Variants in KLHL29 observed in about 807,000 individuals in gnomAD.
KLHL29 encodes kelch-like protein 29.
Under a neutral mutation model 80.4 loss-of-function variants are expected in KLHL29, and 21 were observed. The observed-to-expected ratio is 0.26, with a 90% CI of 0.19 to 0.38. The LOEUF is 0.38. Ranked by LOEUF, KLHL29 falls within the 10% of genes least tolerant of loss-of-function variation. The pLI is 1.00. For missense variants in KLHL29, 867 were observed against 1,223.9 expected (o/e 0.71, Z 4.35); for synonymous variants, 511 against 526.8 (o/e 0.97, Z 0.41).
intron 2 of KLHL29, among the ~76,000 whole-genome samples, chr2:23,486,748 C>G (rs62125387): frequency 0.054 from 8,214 of 152,290 alleles, 253 homozygotes; most frequent in Middle Eastern, 0.078. Context: ...TGGAGGGCAG[C>G]TCCCTGCTCA....
At chr2:23,412,013 T>C (rs1181200073) in intron 1 of KLHL29, among the ~76,000 whole-genome samples, 2 of 151,982 alleles carry the variant, frequency 1.3e-5, no homozygotes, top group Non-Finnish European at 2.9e-5. Context: ...GGTGAGAGCA[T>C]TTGGGGCAGA....
chr2:23,559,749 G>A (rs991405051), intron 2 of KLHL29, among the ~76,000 whole-genome samples: 3 of 152,116 alleles, frequency 2.0e-5, no homozygotes, highest in African/African-American at 7.2e-5. Flanking sequence ...GTGCTTAAGA[G>A]AGAGGAGAGC....
intron 3 of KLHL29, among the ~76,000 whole-genome samples, chr2:23,587,132 T>C (rs956309148): frequency 6.6e-6 from 1 of 152,144 alleles, no homozygotes; most frequent in Non-Finnish European, 1.5e-5. Context: ...GCAGCAATTT[T>C]GCACTGTGGT....
chr2:23,496,089 C>T (rs983400481), intron 2 of KLHL29, among the ~76,000 whole-genome samples: 1 of 152,178 alleles, frequency 6.6e-6, no homozygotes, highest in African/African-American at 2.4e-5. Flanking sequence ...CTTCACAGTG[C>T]CCGGACGGCA....
At chr2:23,542,815 A>G (rs1489485036) in intron 2 of KLHL29, among the ~76,000 whole-genome samples, 2 of 152,218 alleles carry the variant, frequency 1.3e-5, no homozygotes, top group East Asian at 3.8e-4. Context: ...GCCTTTCACC[A>G]GGGACACCTG....
intron 5 of KLHL29, among the ~76,000 whole-genome samples, chr2:23,661,527 G>A (rs1212975857): frequency 6.6e-6 from 1 of 152,178 alleles, no homozygotes; most frequent in African/African-American, 2.4e-5. Context: ...CTGCACCTGG[G>A]GCTGGGCCCG....
chr2:23,409,079 G>C (rs532540526), intron 1 of KLHL29, among the ~76,000 whole-genome samples: 1 of 152,148 alleles, frequency 6.6e-6, no homozygotes, highest in Non-Finnish European at 1.5e-5. Flanking sequence ...GCCTGTTGTT[G>C]TTGAGCTTGG....
chr2:23,418,756 T>G (rs777534289), intron 1 of KLHL29, among the ~76,000 whole-genome samples: 3 of 152,064 alleles, frequency 2.0e-5, no homozygotes, highest in Non-Finnish European at 2.9e-5. Flanking sequence ...AGCTGTTTCA[T>G]CTGTGAGTCA....
At chr2:23,549,710 C>T (rs1200377317) in intron 2 of KLHL29, among the ~76,000 whole-genome samples, 1 of 152,218 alleles carries the variant, frequency 6.6e-6, no homozygotes, top group African/African-American at 2.4e-5. Context: ...CGCTGCTGAT[C>T]CTGGAGGAAG....
At chr2:23,655,846 G>A (rs1670230210) in intron 5 of KLHL29, among the ~76,000 whole-genome samples, 1 of 152,144 alleles carries the variant, frequency 6.6e-6, no homozygotes. Flanking sequence ...AGTGCAGTCA[G>A]TGAGCTCAGT....
chr2:23,554,251 A>G (rs1294053574), intron 2 of KLHL29, among the ~76,000 whole-genome samples: 1 of 152,248 alleles, frequency 6.6e-6, no homozygotes, highest in African/African-American at 2.4e-5. Context: ...TTTGCTCCAG[A>G]AGAAAGGCTA....
At chr2:23,487,711 C>A (rs777327582) in intron 2 of KLHL29, among the ~76,000 whole-genome samples, 15 of 152,220 alleles carry the variant, frequency 9.9e-5, no homozygotes, top group Admixed American at 6.5e-5. Context: ...AGGGGCACTG[C>A]AGACATTGTT....
At chr2:23,570,987 C>T (rs1479414910) in intron 3 of KLHL29, among the ~76,000 whole-genome samples, 1 of 152,238 alleles carries the variant, frequency 6.6e-6, no homozygotes, top group East Asian at 1.9e-4. Context: ...CTGCCCAGCT[C>T]TTCCAGCATT....
intron 3 of KLHL29, among the ~76,000 whole-genome samples, chr2:23,606,181 AGAGAGAGG>A (rs1238115626): frequency 1.7e-5 from 2 of 118,372 alleles, no homozygotes; most frequent in African/African-American, 7.0e-5. Context: ...CGTGAGAGAG[AGAGAGAGG>A]GAGAGAGAGA....
chr2:23,639,312 G>A lies in KLHL29; in HGVS notation c.427+32G>A, dbSNP rs900227143. ...ACCTCATCGGCAGATAGAAACGACTGAGCCCAGGGCTTGGCGGGAAGCTAG... is the reference window on the plus strand; with the variant it reads ...ACCTCATCGGCAGATAGAAACGACTAAGCCCAGGGCTTGGCGGGAAGCTAG... On this transcript the variant is annotated intron_variant, in intron 4 of 13. Transcript: ENST00000486442. The A allele has an allele frequency of 3.2e-6, 5 of 1,541,022 alleles. No individual in the cohort carries two copies. In the East Asian group the frequency reaches 1.2e-4, roughly 38 times the overall value.
At chr2:23,406,067 G>A (rs1414237435) in intron 1 of KLHL29, among the ~76,000 whole-genome samples, 1 of 152,086 alleles carries the variant, frequency 6.6e-6, no homozygotes, top group African/African-American at 2.4e-5. Flanking sequence ...GGTGGCTCAC[G>A]CCTGTACTCC....
intron 2 of KLHL29, among the ~76,000 whole-genome samples, chr2:23,534,733 CTT>C (rs1397693902): frequency 2.0e-5 from 3 of 152,176 alleles, no homozygotes; most frequent in African/African-American, 7.2e-5. Context: ...CCCACAGTCT[CTT>C]TGAGGCTCCA....
intron 3 of KLHL29, among the ~76,000 whole-genome samples, chr2:23,635,897 T>A (rs4665621): frequency 0.094 from 14,357 of 152,258 alleles, 1,685 homozygotes; most frequent in East Asian, 0.46. Context: ...CTTGCTCAAT[T>A]CTGCCTTCTT....
intron 5 of KLHL29, among the ~76,000 whole-genome samples, chr2:23,676,180 G>A (rs911609113): frequency 1.4e-4 from 21 of 151,614 alleles, no homozygotes; most frequent in African/African-American, 3.9e-4. Flanking sequence ...TGGAGGATGG[G>A]TTTTTTGTTT....
Sources: allele counts gnomAD v4.1 joint callset (sites outside exome capture counted in the v4.1 genomes callset), GRCh38; gene constraint gnomAD v4.1.1; transcripts MANE v1.5; gene names NCBI Gene and HGNC (gene_info 2026-07-23, HGNC 2026-07-21).